The following NELL2 variants were observed in gnomAD, a reference collection of about 807,000 sequenced individuals.
The protein encoded by NELL2 is protein kinase C-binding protein NELL2.
NELL2 carries 41 observed loss-of-function variants against 109.6 expected under a neutral mutation model. That is an observed-to-expected ratio of 0.37 (90% CI 0.29 to 0.49). The LOEUF is 0.49. Among genes scored for constraint, NELL2 ranks in the 20% least tolerant of loss-of-function variants. The pLI is 0.98. For missense variants in NELL2, 900 were observed against 1,008.3 expected, an observed-to-expected ratio of 0.89 and a Z score of 1.45; for synonymous variants, 355 against 344.7, an observed-to-expected ratio of 1.03 and a Z score of -0.33.
chr12:44,843,968 G>A (rs1944300410), intron 2 of NELL2, among the ~76,000 whole-genome samples: 1 of 152,126 alleles, frequency 6.6e-6, no homozygotes, highest in Non-Finnish European at 1.5e-5. Flanking sequence ...GTTGCAATCA[G>A]CCATGATTGT....
intron 2 of NELL2, among the ~76,000 whole-genome samples, chr12:44,827,137 A>G (rs1943736265): frequency 1.3e-5 from 2 of 152,068 alleles, no homozygotes; most frequent in African/African-American, 2.4e-5. Context: ...ACAAACCCAC[A>G]ATTTTGTAAC....
At chr12:44,555,651 A>G (rs1943224161) in intron 15 of NELL2, among the ~76,000 whole-genome samples, 1 of 152,116 alleles carries the variant, frequency 6.6e-6, no homozygotes, top group African/African-American at 2.4e-5. Flanking sequence ...CACTGTATTA[A>G]AAGTTGCAGA....
chr12:44,603,517 C>T (rs1439030103), intron 15 of NELL2, among the ~76,000 whole-genome samples: 4 of 152,108 alleles, frequency 2.6e-5, no homozygotes, highest in African/African-American at 9.7e-5. Context: ...AACCTTGGCA[C>T]ATAGCTTCAG....
chr12:44,547,044 G>GACATGAT (rs1408516536), intron 15 of NELL2, among the ~76,000 whole-genome samples: 2 of 152,048 alleles, frequency 1.3e-5, no homozygotes, highest in Admixed American at 1.3e-4. Flanking sequence ...GGTGATAGGA[G>GACATGAT]ACATGATATG....
chr12:44,682,975 T>G (rs1483191902), intron 12 of NELL2, among the ~76,000 whole-genome samples: 1 of 152,232 alleles, frequency 6.6e-6, no homozygotes, highest in African/African-American at 2.4e-5. Context: ...GGTAGTTTGA[T>G]GGGGATGACA....
At chr12:44,683,291 G>A (rs1219417715) in intron 12 of NELL2, among the ~76,000 whole-genome samples, 1 of 151,646 alleles carries the variant, frequency 6.6e-6, no homozygotes, top group Non-Finnish European at 1.5e-5. Flanking sequence ...CTTTGCTGAA[G>A]TTGCTTATCA....
chr12:44,622,494 T>C (rs1350101651), intron 13 of NELL2, among the ~76,000 whole-genome samples: 1 of 152,128 alleles, frequency 6.6e-6, no homozygotes, highest in Admixed American at 6.6e-5. Context: ...TCCTTTAATA[T>C]CTACAAATAA....
intron 9 of NELL2, among the ~76,000 whole-genome samples, chr12:44,727,620 G>C (rs145852066): frequency 1.3e-5 from 2 of 152,120 alleles, no homozygotes; most frequent in African/African-American, 2.4e-5. Context: ...ACTAGAGATT[G>C]AGCCTTATTA....
chr12:44,822,572 C>G (rs979895391), intron 2 of NELL2, among the ~76,000 whole-genome samples: 1 of 152,166 alleles, frequency 6.6e-6, no homozygotes, highest in Non-Finnish European at 1.5e-5. Flanking sequence ...GAGAAAGAGG[C>G]TGAGAAACAG....
In NELL2 at chr12:44,532,731, AAAG is replaced by A. The variant is rs1189884730; in HGVS notation, c.1664-13_1664-11del. On this transcript the variant is annotated splice_polypyrimidine_tract_variant and intron_variant, in intron 15 of 19. Coordinates refer to ENST00000429094, the MANE Select transcript of NELL2 (RefSeq NM_001145108.2). The stretch of plus-strand genomic sequence containing the variant: ...GAGCATTCATCAATGTCTGGCAAAA[AAAG>A]AGGGATTTTATAAAATTATTTATCT... 5.0e-6 allele frequency: 8 copies of A among 1,600,126 alleles called. No homozygotes were observed. Among genetic ancestry groups the A allele is most frequent in the Non-Finnish European group, 6.0e-6 (7 of 1,174,196 alleles).
rs775731500 is a variant in NELL2 at position 44,816,113 on chromosome 12, A to C, written c.208T>G (p.Ser70Ala). Residue 70 changes from serine to alanine, a missense_variant, in exon 3 of 20, where the codon TCC (serine) becomes GCC (alanine). Around this residue, in one of 4 missense-constraint regions of NELL2, gnomAD observed 200 missense variants for 191.8 expected, o/e 1.04. Transcript: ENST00000429094. ...AAAAACTGTTCAGCTGTAGCAGTGG[A>C]TGCTTTTATGCTTCTGGGAGTATCT... The part of the protein sequence containing the change: ...FQDTPRSIKA[S>A]TATAEQFFQK... 4.3e-6 allele frequency: 7 copies of C among 1,609,884 alleles called. No homozygotes were observed. The Admixed American group carries it at 1.2e-4, about 27-fold the overall frequency.
chr12:44,516,133 ATAT>A (rs1181183803), intron 19 of NELL2, among the ~76,000 whole-genome samples: 17 of 151,970 alleles, frequency 1.1e-4, no homozygotes, highest in Non-Finnish European at 7.4e-5. Flanking sequence ...CTGAATAATA[ATAT>A]ATGATCTTCT....
At chr12:44,711,839 T>C (rs1938219401) in intron 10 of NELL2, among the ~76,000 whole-genome samples, 1 of 152,112 alleles carries the variant, frequency 6.6e-6, no homozygotes, top group South Asian at 2.1e-4. Context: ...CACAGATGAT[T>C]CTGGTAAGAA....
chr12:44,918,529 G>A (rs1241928719), upstream of NELL2, among the ~76,000 whole-genome samples: 1 of 148,096 alleles, frequency 6.8e-6, no homozygotes, highest in Non-Finnish European at 1.5e-5. Flanking sequence ...GTGTGTGTGT[G>A]TGTGTGTGTG....
intron 3 of NELL2, among the ~76,000 whole-genome samples, chr12:44,803,904 T>C (rs1311333144): frequency 6.6e-6 from 1 of 151,994 alleles, no homozygotes; most frequent in Non-Finnish European, 1.5e-5. Context: ...AAAATTATTT[T>C]AAATATAATG....
At chr12:44,591,314 A>T (rs1314573515) in intron 15 of NELL2, among the ~76,000 whole-genome samples, 1 of 152,212 alleles carries the variant, frequency 6.6e-6, no homozygotes, top group East Asian at 1.9e-4. Context: ...TATTGAAGAG[A>T]TATCTGCACC....
chr12:44,775,062 C>A (rs1207397805), intron 8 of NELL2, among the ~76,000 whole-genome samples: 1 of 152,170 alleles, frequency 6.6e-6, no homozygotes, highest in South Asian at 2.1e-4. Context: ...CTAAAGGTGG[C>A]CAGAGCTCCC....
chr12:44,660,042 C>T (rs770846645), intron 13 of NELL2, among the ~76,000 whole-genome samples: 38 of 151,972 alleles, frequency 2.5e-4, no homozygotes, highest in Admixed American at 2.0e-4. Flanking sequence ...AGCTAAAATC[C>T]GGGTTTTGAT....
intron 11 of NELL2, among the ~76,000 whole-genome samples, chr12:44,708,238 C>T (rs1049037971): frequency 6.6e-6 from 1 of 152,160 alleles, no homozygotes; most frequent in Non-Finnish European, 1.5e-5. Context: ...TGCTACATTT[C>T]TTCTGATCTG....
Sources: allele counts gnomAD v4.1 joint callset (sites outside exome capture counted in the v4.1 genomes callset), GRCh38; gene constraint gnomAD v4.1.1; regional missense constraint gnomAD v4.1.1; transcripts MANE v1.5; gene names NCBI Gene and HGNC (gene_info 2026-07-23, HGNC 2026-07-21).